The following KLF12 variants were observed in gnomAD, a reference collection of about 807,000 sequenced individuals.
The protein encoded by KLF12 is KLF transcription factor 12.
KLF12 carries 9 observed loss-of-function variants against 37.8 expected under a neutral mutation model. The observed-to-expected ratio is 0.24, with a 90% CI of 0.14 to 0.42. The LOEUF (loss-of-function observed/expected upper bound fraction) is 0.42, where lower values mean the gene tolerates loss of function less well. Among genes scored for constraint, KLF12 ranks in the 10% least tolerant of loss-of-function variants. KLF12 has a pLI of 1.00. For synonymous variants in KLF12, 208 were observed against 202.1 expected (o/e 1.03, Z -0.25); for missense variants, 411 against 516.0 (o/e 0.80, Z 1.97).
At chr13:74,230,638 G>A in the KLF12 span, among the ~76,000 whole-genome samples, 1 of 152,126 alleles carries the variant, frequency 6.6e-6, no homozygotes, top group Admixed American at 6.5e-5. Flanking sequence ...AGCAACTATG[G>A]AGGCAGAGGA....
rs140306200 is a variant in KLF12, at chr13:73,893,965, C to T, written c.124-47592G>A. On this transcript the variant is annotated intron_variant, in intron 3 of 7. Transcript: ENST00000377669. Reference sequence around the variant, plus strand: ...CAATGTTATCAGAATTCAGGGCTGGCTCCATCAGAAAGGAACTAGAACAAC... The same window carrying T: ...CAATGTTATCAGAATTCAGGGCTGGTTCCATCAGAAAGGAACTAGAACAAC... Among the ~76,000 whole-genome samples the T allele has an allele frequency of 1.2e-4, 18 of 152,268 alleles. No individual in the cohort carries two copies. The East Asian group carries it at 3.5e-3, about 29-fold the overall frequency.
chr13:74,046,059 C>T (rs1390329190), intron 1 of KLF12, among the ~76,000 whole-genome samples: 3 of 152,132 alleles, frequency 2.0e-5, no homozygotes, highest in Non-Finnish European at 4.4e-5. Context: ...AACTCTTGTT[C>T]CTATCAATCA....
chr13:73,810,745 C>G (rs1384094042), intron 5 of KLF12, among the ~76,000 whole-genome samples: 1 of 151,968 alleles, frequency 6.6e-6, no homozygotes, highest in African/African-American at 2.4e-5. Flanking sequence ...AGAATTGAAA[C>G]TTATCATCAT....
the KLF12 span, among the ~76,000 whole-genome samples, chr13:74,164,288 C>T: frequency 6.6e-6 from 1 of 152,152 alleles, no homozygotes; most frequent in African/African-American, 2.4e-5. Flanking sequence ...TTTCTGAATA[C>T]ATTTTAGTTA....
chr13:73,846,987 C>T (rs920086077), intron 3 of KLF12, among the ~76,000 whole-genome samples: 1 of 152,068 alleles, frequency 6.6e-6, no homozygotes, highest in Non-Finnish European at 1.5e-5. Context: ...TATAATTTGT[C>T]TATGAATTTT....
At chr13:73,801,507 C>A (rs1336927623) in intron 5 of KLF12, 2 of 152,090 alleles carry the variant, frequency 1.3e-5, no homozygotes, top group Middle Eastern at 3.4e-3. Context: ...CAACACACAT[C>A]AAAAATGCAT....
chr13:74,240,304 G>A, the KLF12 span, among the ~76,000 whole-genome samples: 5 of 134,172 alleles, frequency 3.7e-5, no homozygotes, highest in South Asian at 2.6e-4. Flanking sequence ...GGTTTCTGCC[G>A]AGAGATCCGC....
At chr13:73,916,443 C>T (rs552040091) in intron 3 of KLF12, among the ~76,000 whole-genome samples, 10 of 152,100 alleles carry the variant, frequency 6.6e-5, no homozygotes, top group East Asian at 3.9e-4. Flanking sequence ...AGAGGAGCCA[C>T]GAGGTTATTT....
At position 74,019,279 on chromosome 13, in the gene KLF12, A is replaced by G. The variant is rs190044017; in HGVS notation, c.-31-24226T>C. Among the ~76,000 whole-genome samples, 206 of 152,342 alleles carry G rather than the reference A, an allele frequency of 1.4e-3. 1 individual carries two copies. Among genetic ancestry groups the G allele is most frequent in the African/African-American group, 4.6e-3 (191 of 41,582 alleles). The stretch of plus-strand genomic sequence containing the variant: ...TTAAGTGGTTTTACCAAAGAGGATT[A>G]ACACTCAAACTTTCATTACAAAACT... On this transcript the variant is annotated intron_variant, in intron 1 of 7. Transcript: ENST00000377669.
chr13:74,112,713 GA>G (rs1190850630), intron 1 of KLF12, among the ~76,000 whole-genome samples: 1 of 152,050 alleles, frequency 6.6e-6, no homozygotes, highest in Non-Finnish European at 1.5e-5. Context: ...CTCTCCCGGA[GA>G]CTTAACAACA....
intron 3 of KLF12, among the ~76,000 whole-genome samples, chr13:73,875,131 TAAAAAAA>T (rs201415116): frequency 7.6e-6 from 1 of 132,004 alleles, no homozygotes; most frequent in African/African-American, 2.9e-5. Context: ...CAATCAATAC[TAAAAAAA>T]AAAGAACTTG....
At chr13:73,814,084 C>T (rs1279920407) in intron 4 of KLF12, among the ~76,000 whole-genome samples, 3 of 152,226 alleles carry the variant, frequency 2.0e-5, no homozygotes, top group African/African-American at 4.8e-5. Flanking sequence ...CATTTCATTT[C>T]CATCTCCTTC....
intron 2 of KLF12, among the ~76,000 whole-genome samples, chr13:73,977,411 T>C (rs949275989): frequency 2.6e-5 from 4 of 152,174 alleles, no homozygotes; most frequent in Non-Finnish European, 5.9e-5. Flanking sequence ...CTACCCCATA[T>C]AGCAAAGCCA....
upstream of KLF12, among the ~76,000 whole-genome samples, chr13:74,138,498 A>G (rs932221094): frequency 6.6e-6 from 1 of 152,226 alleles, no homozygotes; most frequent in Non-Finnish European, 1.5e-5. Context: ...ACAGCTGGTG[A>G]TATTATGTGA....
chr13:74,063,608 C>T (rs1873737522), intron 1 of KLF12, among the ~76,000 whole-genome samples: 1 of 152,102 alleles, frequency 6.6e-6, no homozygotes, highest in Admixed American at 6.5e-5. Flanking sequence ...AATTAACTAC[C>T]ACTACATGTA....
the KLF12 span, among the ~76,000 whole-genome samples, chr13:74,158,635 G>T: frequency 6.6e-6 from 1 of 152,138 alleles, no homozygotes; most frequent in Non-Finnish European, 1.5e-5. Context: ...GAGGAAGTTG[G>T]TCGTGAAAGA....
chr13:74,247,445 A>G, the KLF12 span, among the ~76,000 whole-genome samples: 29 of 152,280 alleles, frequency 1.9e-4, no homozygotes, highest in East Asian at 5.2e-3. Flanking sequence ...TTTGGCACAT[A>G]TCCAGATGTA....
intron 1 of KLF12, among the ~76,000 whole-genome samples, chr13:74,018,517 G>A (rs1039763780): frequency 3.9e-5 from 6 of 152,074 alleles, no homozygotes; most frequent in Admixed American, 2.0e-4. Flanking sequence ...CCATTCTACG[G>A]TGTATATGTA....
At chr13:73,954,072 G>A (rs1342815196) in intron 2 of KLF12, among the ~76,000 whole-genome samples, 2 of 138,790 alleles carry the variant, frequency 1.4e-5, no homozygotes, top group Non-Finnish European at 3.0e-5. Context: ...TCCACCTCCC[G>A]GGTTCACACC....
Sources: allele counts gnomAD v4.1 joint callset (sites outside exome capture counted in the v4.1 genomes callset), GRCh38; gene constraint gnomAD v4.1.1; transcripts MANE v1.5; gene names NCBI Gene and HGNC (gene_info 2026-07-23, HGNC 2026-07-21).